Variants in CXCL13 observed in about 807,000 individuals in gnomAD.
CXCL13 encodes the protein C-X-C motif chemokine 13.
In CXCL13, 7 loss-of-function variants were observed where a neutral mutation model predicts 12.2. The ratio of observed to expected loss-of-function variants is 0.57; its 90% CI spans 0.33 to 1.07. The LOEUF is 1.07. Ranked by LOEUF, CXCL13 falls within the 50% of genes least tolerant of loss-of-function variation. CXCL13 has a pLI of 0.04. For synonymous variants in CXCL13, 47 were observed against 42.4 expected (o/e 1.11, Z -0.42); for missense variants, 113 against 127.4 (o/e 0.89, Z 0.55).
intron 1 of CXCL13, among the ~76,000 whole-genome samples, chr4:77,535,951 T>G (rs1180348510): frequency 1.3e-5 from 2 of 152,176 alleles, no homozygotes; most frequent in African/African-American, 4.8e-5. Context: ...AATAAAATTA[T>G]TATTTTATAC....
intron 1 of CXCL13, among the ~76,000 whole-genome samples, chr4:77,528,528 C>G (rs371845633): frequency 2.0e-5 from 3 of 152,274 alleles, no homozygotes; most frequent in Middle Eastern, 3.4e-3. Flanking sequence ...CTGATGGCCA[C>G]TGATGATGAG....
At chr4:77,518,718 A>G (rs1238309215) in intron 1 of CXCL13, among the ~76,000 whole-genome samples, 1 of 152,086 alleles carries the variant, frequency 6.6e-6, no homozygotes, top group Non-Finnish European at 1.5e-5. Context: ...CTAAGTTTTT[A>G]ACTTCTTTGC....
chr4:77,578,267 C>T (rs1726238702), intron 1 of CXCL13, among the ~76,000 whole-genome samples: 5 of 152,276 alleles, frequency 3.3e-5, no homozygotes, highest in Non-Finnish European at 2.9e-5. Flanking sequence ...AAACTCCAAA[C>T]AGTCATGCAA....
intron 1 of CXCL13, among the ~76,000 whole-genome samples, chr4:77,553,243 A>G (rs1400884387): frequency 1.3e-5 from 2 of 152,164 alleles, no homozygotes; most frequent in African/African-American, 2.4e-5. Context: ...AAATTCCAGC[A>G]CCTACTGCTG....
At chr4:77,548,522 T>C (rs1200155740) in intron 1 of CXCL13, among the ~76,000 whole-genome samples, 1 of 152,234 alleles carries the variant, frequency 6.6e-6, no homozygotes, top group Non-Finnish European at 1.5e-5. Context: ...GGCTATCATT[T>C]ACCCTTTTGA....
chr4:77,558,381 C>T (rs528674585), intron 1 of CXCL13, among the ~76,000 whole-genome samples: 3 of 152,060 alleles, frequency 2.0e-5, no homozygotes, highest in African/African-American at 7.2e-5. Flanking sequence ...TTTAAGGAGT[C>T]TCCCTGTGTC....
chr4:77,571,749 C>T (rs1409540198), intron 1 of CXCL13, among the ~76,000 whole-genome samples: 4 of 151,754 alleles, frequency 2.6e-5, no homozygotes, highest in Non-Finnish European at 5.9e-5. Flanking sequence ...CCGCTCCAGT[C>T]CCCTTCCACA....
chr4:77,567,063 CTT>C (rs1725957591), intron 1 of CXCL13, among the ~76,000 whole-genome samples: 1 of 152,148 alleles, frequency 6.6e-6, no homozygotes, highest in Non-Finnish European at 1.5e-5. Flanking sequence ...GATCAATTGA[CTT>C]TGTGACAATA....
chr4:77,513,225 A>G (rs1724316249), intron 1 of CXCL13, among the ~76,000 whole-genome samples: 3 of 152,130 alleles, frequency 2.0e-5, no homozygotes, highest in Admixed American at 2.0e-4. Flanking sequence ...AGTCTTTGCT[A>G]TTGTGAACAG....
intron 1 of CXCL13, among the ~76,000 whole-genome samples, chr4:77,540,070 T>G (rs1253218232): frequency 6.6e-6 from 1 of 152,132 alleles, no homozygotes; most frequent in African/African-American, 2.4e-5. Context: ...TTTAGAAAAA[T>G]AGACACGATA....
At chr4:77,532,584 T>A (rs1452725677) in intron 1 of CXCL13, among the ~76,000 whole-genome samples, 2 of 152,220 alleles carry the variant, frequency 1.3e-5, no homozygotes, top group Non-Finnish European at 2.9e-5. Flanking sequence ...TGAATTTGAA[T>A]GTTGGCCTGC....
At position 77,570,569 on chromosome 4, in the gene CXCL13, T is replaced by C. The variant is rs1009764552; in HGVS notation, c.-42-35255T>C. ...CCTGGGTTCCCACTTTGGCAGCACTTGAGGAGCCCTTCAGCCCACTGCTGC... is the reference window on the plus strand; with the variant it reads ...CCTGGGTTCCCACTTTGGCAGCACTCGAGGAGCCCTTCAGCCCACTGCTGC... On this transcript the variant is annotated intron_variant, in intron 1 of 4. Coordinates refer to the CXCL13 transcript ENST00000286758. 7.2e-5 allele frequency among the ~76,000 whole-genome samples: 11 copies of C among 152,278 alleles called. No homozygotes were observed. In the East Asian group the frequency reaches 2.1e-3, roughly 29 times the overall value.
upstream of CXCL13, among the ~76,000 whole-genome samples, chr4:77,602,431 C>A (rs143468502): frequency 1.1e-3 from 161 of 152,310 alleles, 5 homozygotes; most frequent in East Asian, 0.023. Flanking sequence ...CATGCCACAG[C>A]AAACTATGCA....
At chr4:77,532,163 A>G (rs945916969) in intron 1 of CXCL13, among the ~76,000 whole-genome samples, 4 of 152,164 alleles carry the variant, frequency 2.6e-5, no homozygotes, top group African/African-American at 9.7e-5. Flanking sequence ...ACAATTTGGC[A>G]TGTTTTTGCA....
At chr4:77,526,161 T>C (rs925939922) in intron 1 of CXCL13, among the ~76,000 whole-genome samples, 2 of 152,082 alleles carry the variant, frequency 1.3e-5, no homozygotes, top group Non-Finnish European at 2.9e-5. Flanking sequence ...CTTTGGATCA[T>C]AAAATTGTTC....
chr4:77,523,478 A>G (rs987742358), intron 1 of CXCL13, among the ~76,000 whole-genome samples: 2 of 151,914 alleles, frequency 1.3e-5, no homozygotes, highest in African/African-American at 2.4e-5. Flanking sequence ...AGTGACTGAT[A>G]CTCTTTCTTC....
intron 2 of CXCL13, 66 bp from the exon 3 acceptor site, chr4:77,610,548 C>G (rs752920053): frequency 1.1e-5 from 14 of 1,248,214 alleles, no homozygotes; most frequent in Non-Finnish European, 1.5e-5. Context: ...AAACTCTTTT[C>G]TTTATTAAAA....
chr4:77,575,803 C>T (rs888241891), intron 1 of CXCL13, among the ~76,000 whole-genome samples: 7 of 151,702 alleles, frequency 4.6e-5, no homozygotes, highest in East Asian at 1.9e-4. Flanking sequence ...TGTTTAGGTA[C>T]ATGGGATTGC....
At position 77,516,083 on chromosome 4, in the gene CXCL13, T is replaced by C. The variant is rs901895112; in HGVS notation, c.-43+4295T>C. 3.3e-5 allele frequency among the ~76,000 whole-genome samples: 5 copies of C among 152,244 alleles called. 1 individual carries two copies. Among genetic ancestry groups the C allele is most frequent in the Admixed American group, 1.3e-4 (2 of 15,288 alleles). On this transcript the variant is annotated intron_variant, in intron 1 of 4. Transcript: ENST00000286758. ...GAGATAATCATGTGGTTTTCGTCTT[T>C]GGTTCTGTTTATATGCTGGATTACA...
Sources: allele counts gnomAD v4.1 joint callset (sites outside exome capture counted in the v4.1 genomes callset), GRCh38; gene constraint gnomAD v4.1.1; transcripts MANE v1.5; gene names NCBI Gene and HGNC (gene_info 2026-07-23, HGNC 2026-07-21).